DYNC1I1: variants seen among roughly 807,000 people sequenced by gnomAD.
DYNC1I1 encodes the protein cytoplasmic dynein 1 intermediate chain 1.
In DYNC1I1, 43 loss-of-function variants were observed where a neutral mutation model predicts 86.6. That is an observed-to-expected ratio of 0.50 (90% CI 0.39 to 0.64). The LOEUF (loss-of-function observed/expected upper bound fraction) is 0.64, where lower values mean the gene tolerates loss of function less well. Ranked by LOEUF, DYNC1I1 falls within the 30% of genes least tolerant of loss-of-function variation. The pLI is 0.00. For missense variants in DYNC1I1, 604 were observed against 788.8 expected, an observed-to-expected ratio of 0.77 and a Z score of 2.81; for synonymous variants, 262 against 283.7, an observed-to-expected ratio of 0.92 and a Z score of 0.77.
chr7:95,978,767 A>G (rs1442910280), intron 7 of DYNC1I1, among the ~76,000 whole-genome samples: 3 of 152,092 alleles, frequency 2.0e-5, no homozygotes. Context: ...GCCTATTACA[A>G]ATGACATCCA....
At chr7:95,903,468 C>A (rs1282300871) in intron 6 of DYNC1I1, among the ~76,000 whole-genome samples, 1 of 152,042 alleles carries the variant, frequency 6.6e-6, no homozygotes, top group African/African-American at 2.4e-5. Flanking sequence ...AGGACTGGAA[C>A]CCAGAAGAAG....
At chr7:96,084,442 C>CTTTTTTTTTTTTTTTTT (rs11369815) in intron 16 of DYNC1I1, among the ~76,000 whole-genome samples, 8 of 124,734 alleles carry the variant, frequency 6.4e-5, no homozygotes, top group South Asian at 2.6e-4. Flanking sequence ...TTTTTCTTTT[C>CTTTTTTTTTTTTTTTTT]TTTTTTTTTT....
chr7:95,886,998 C>T (rs1290899198), intron 6 of DYNC1I1, among the ~76,000 whole-genome samples: 1 of 152,176 alleles, frequency 6.6e-6, no homozygotes, highest in Non-Finnish European at 1.5e-5. Context: ...GATCATGTCA[C>T]CCCTGCCTAA....
At chr7:95,982,699 G>A (rs1384690247) in intron 7 of DYNC1I1, among the ~76,000 whole-genome samples, 1 of 152,110 alleles carries the variant, frequency 6.6e-6, no homozygotes, top group Non-Finnish European at 1.5e-5. Context: ...TATTAACAGT[G>A]ACCAAGGCCA....
chr7:96,068,405 T>C (rs1212383087), intron 14 of DYNC1I1, among the ~76,000 whole-genome samples: 1 of 152,160 alleles, frequency 6.6e-6, no homozygotes, highest in African/African-American at 2.4e-5. Flanking sequence ...GTAAAATACA[T>C]AACATTTAAC....
At chr7:95,781,430 A>C (rs903188292) in intron 1 of DYNC1I1, among the ~76,000 whole-genome samples, 1 of 152,210 alleles carries the variant, frequency 6.6e-6, no homozygotes, top group Non-Finnish European at 1.5e-5. Flanking sequence ...AAAAAATTCT[A>C]AGACAATAAA....
intron 13 of DYNC1I1, among the ~76,000 whole-genome samples, 195 bp downstream of exon 13, chr7:96,035,947 A>C (rs1033260169): frequency 3.3e-5 from 5 of 152,106 alleles, no homozygotes; most frequent in Non-Finnish European, 7.4e-5. Flanking sequence ...GGTGGTTCAC[A>C]CTGCCTTGAG....
chr7:96,033,759 C>T (rs1794868420), intron 12 of DYNC1I1, among the ~76,000 whole-genome samples: 1 of 152,086 alleles, frequency 6.6e-6, no homozygotes, highest in South Asian at 2.1e-4. Context: ...CTTGTAATCC[C>T]AGCACTTTGG....
intron 6 of DYNC1I1, among the ~76,000 whole-genome samples, chr7:95,948,203 T>C (rs1473631829): frequency 2.0e-5 from 3 of 152,140 alleles, no homozygotes; most frequent in African/African-American, 7.2e-5. Flanking sequence ...AGTATACCTA[T>C]CTTAATGAGC....
intron 16 of DYNC1I1, among the ~76,000 whole-genome samples, chr7:96,094,400 T>C (rs1790937075): frequency 6.6e-6 from 1 of 152,176 alleles, no homozygotes; most frequent in Admixed American, 6.5e-5. Flanking sequence ...TTCTTGAGCC[T>C]ACTTTCTAGC....
rs538173828 is a variant in DYNC1I1 at position 95,937,859 on chromosome 7, G to A, written c.491-39653G>A. 4.4e-4 allele frequency among the ~76,000 whole-genome samples: 67 copies of A among 151,982 alleles called. No individual in the cohort carries two copies. In the South Asian group the frequency reaches 0.013, roughly 31 times the overall value. The stretch of plus-strand genomic sequence containing the variant: ...AAGTTTACAACCAACCATAAACACA[G>A]CTCTCCTCCAGACACTGCTAACACC... On this transcript the variant is annotated intron_variant, in intron 6 of 16. Transcript: ENST00000447467.
intron 6 of DYNC1I1, among the ~76,000 whole-genome samples, chr7:95,962,904 T>C (rs1472274793): frequency 6.6e-6 from 1 of 152,282 alleles, no homozygotes; most frequent in East Asian, 1.9e-4. Context: ...TTGACATCAG[T>C]TGAAACACTA....
At chr7:95,854,620 T>A (rs1190027803) in intron 5 of DYNC1I1, among the ~76,000 whole-genome samples, 1 of 152,210 alleles carries the variant, frequency 6.6e-6, no homozygotes, top group Non-Finnish European at 1.5e-5. Flanking sequence ...TGCACTTAAC[T>A]CACTTTTAAC....
intron 16 of DYNC1I1, among the ~76,000 whole-genome samples, chr7:96,084,280 C>A (rs1405820437): frequency 6.9e-6 from 1 of 145,176 alleles, no homozygotes; most frequent in Non-Finnish European, 1.5e-5. Flanking sequence ...GTCCTGTCAA[C>A]TAGAGTGTTA....
rs546469297 is a variant in DYNC1I1 at position 95,790,374 on chromosome 7, A to G, written c.-9-14347A>G. Among the ~76,000 whole-genome samples the G allele has an allele frequency of 2.2e-4, 34 of 152,228 alleles. No individual in the cohort carries two copies. The South Asian group carries it at 6.4e-3, about 29-fold the overall frequency. Reference sequence around the variant, plus strand: ...TCCATATCTCATTACTTGTCCCACAAACTGGTCATTCTTCTTACCTCCCAC... The same window carrying G: ...TCCATATCTCATTACTTGTCCCACAGACTGGTCATTCTTCTTACCTCCCAC... On this transcript the variant is annotated intron_variant, in intron 1 of 16. Coordinates refer to ENST00000447467, the MANE Select transcript of DYNC1I1 (RefSeq NM_001135556.2).
chr7:95,788,491 TG>T (rs1159682911), intron 1 of DYNC1I1, among the ~76,000 whole-genome samples: 1 of 152,170 alleles, frequency 6.6e-6, no homozygotes, highest in Non-Finnish European at 1.5e-5. Flanking sequence ...AGGGAACATT[TG>T]TCACAGCTAG....
At chr7:95,878,951 G>GAAA (rs35720595) in intron 6 of DYNC1I1, among the ~76,000 whole-genome samples, 5 of 142,142 alleles carry the variant, frequency 3.5e-5, no homozygotes, top group South Asian at 2.2e-4. Flanking sequence ...AAGAAAAGAA[G>GAAA]AAAAAAAAAA....
chr7:95,908,132 C>G (rs1184759751), intron 6 of DYNC1I1, among the ~76,000 whole-genome samples: 1 of 152,048 alleles, frequency 6.6e-6, no homozygotes, highest in East Asian at 1.9e-4. Flanking sequence ...TCTTTTTAAC[C>G]TTGTTAAACA....
At chr7:96,053,882 A>G (rs2116123311) in intron 14 of DYNC1I1, among the ~76,000 whole-genome samples, 1 of 152,338 alleles carries the variant, frequency 6.6e-6, no homozygotes, top group African/African-American at 2.4e-5. Flanking sequence ...ACATGGGACA[A>G]AAAATATTGG....
Sources: gnomAD v4.1 joint callset for allele counts (sites outside exome capture counted in the v4.1 genomes callset) on GRCh38, gnomAD v4.1.1 for gene constraint, MANE v1.5 for transcripts, NCBI Gene and HGNC (gene_info 2026-07-23, HGNC 2026-07-21) for gene names.